The following NR2F2 variants were observed in gnomAD, a reference collection of about 807,000 sequenced individuals.
NR2F2 encodes the protein COUP transcription factor 2.
Under a neutral mutation model 34.8 loss-of-function variants are expected in NR2F2, and 2 were observed. The ratio of observed to expected loss-of-function variants is 0.06; its 90% confidence interval spans 0.02 to 0.18. NR2F2 has a LOEUF of 0.18. Among genes scored for constraint, NR2F2 ranks in the 10% least tolerant of loss-of-function variants. NR2F2 has a pLI of 1.00. For missense variants in NR2F2, 300 were observed against 580.1 expected (o/e 0.52, Z 4.96); for synonymous variants, 274 against 251.8 (o/e 1.09, Z -0.84).
Position 96,334,360 on chromosome 15 carries a change from G to A in NR2F2, c.727G>A (p.Ala243Thr). The A allele has an allele frequency of 6.2e-7, 1 of 1,614,174 alleles. No homozygotes were observed. The highest frequency in any genetic ancestry group is 8.5e-7 in the Non-Finnish European group (1 of 1,180,040). The change falls in exon 2 of 3, where the codon GCC becomes ACC. Residue 243 changes from alanine (A) to threonine (T), a missense_variant. Ala to Thr is a moderately conservative substitution (Grantham distance 58, BLOSUM62 0). Transcript: ENST00000394166. Reference protein sequence around the residue: ...FPDLQITDQVALLRLTWSELF... With the variant: ...FPDLQITDQVTLLRLTWSELF... ...CGACCTGCAGATCACGGACCAGGTG[G>A]CCCTGCTTCGCCTCACCTGGAGCGA...
In NR2F2 at chr15:96,331,244, G is replaced by A; in HGVS notation, c.-862G>A. The stretch of plus-strand genomic sequence containing the variant: ...CACCCAGCGACTGCGGGCGGCGGCG[G>A]CCGGAGAGAGCGAGGCGCGCGCCGG... On this transcript the variant is annotated 5_prime_UTR_variant, in exon 1 of 3. Coordinates refer to ENST00000394166, the MANE Select transcript of NR2F2 (RefSeq NM_021005.4). The A allele has an allele frequency of 1.0e-6, 1 of 986,656 alleles. No individual in the cohort carries two copies. The highest frequency in any genetic ancestry group is 4.5e-5 in the South Asian group (1 of 22,120). 61.1% of individuals were successfully genotyped at this position (986,656 alleles called of 1,614,324 possible). A position where few individuals can be genotyped will look rare whatever the true frequency, so the allele number is the denominator to read the frequency against.
At chr15:96,328,262 G>A (rs1899043833), upstream of NR2F2, among the ~76,000 whole-genome samples, 1 of 152,178 alleles carries the variant, frequency 6.6e-6, no homozygotes, top group Admixed American at 6.5e-5. Flanking sequence ...ATATGGTTGG[G>A]AAATTATTCC....
intron 2 of NR2F2, among the ~76,000 whole-genome samples, chr15:96,335,701 GAT>G (rs886994201): frequency 2.0e-5 from 3 of 152,252 alleles, no homozygotes; most frequent in African/African-American, 7.2e-5. Flanking sequence ...AACGAGGAGA[GAT>G]GTGTAGTTTA....
intron 1 of NR2F2, among the ~76,000 whole-genome samples, chr15:96,332,870 C>G (rs1899188624): frequency 6.6e-6 from 1 of 150,980 alleles, no homozygotes; most frequent in Admixed American, 6.6e-5. Context: ...ACTTCTCTCT[C>G]TCTGCCCTTG....
At chr15:96,335,897 G>A (rs71396853) in intron 2 of NR2F2, among the ~76,000 whole-genome samples, 5 of 152,156 alleles carry the variant, frequency 3.3e-5, no homozygotes, top group Non-Finnish European at 7.3e-5. Context: ...GAAGTCCTTA[G>A]GTAATCAATT....
Position 96,334,098 on chromosome 15 carries a change from G to T in NR2F2, c.465G>T (p.Pro155=), listed in dbSNP as rs772571580. 6 of 1,612,960 alleles carry T rather than the reference G, an allele frequency of 3.7e-6. No individual in the cohort carries two copies. Residue 155 remains proline (P), a synonymous_variant, in exon 2 of 3, where the codon CCG becomes CCT. Coordinates refer to ENST00000394166, the MANE Select transcript of NR2F2 (RefSeq NM_021005.4). Reference sequence around the variant, plus strand: ...CAGCGGTGCAGAGGGGCAGGATGCCGCCGACCCAGCCGACCCACGGGCAGT... The same window carrying T: ...CAGCGGTGCAGAGGGGCAGGATGCCTCCGACCCAGCCGACCCACGGGCAGT... The part of the protein sequence containing the change: ...RREAVQRGRM[P]PTQPTHGQFA...
chr15:96,337,306 T>C, intron 2 of NR2F2, 42 bp from the exon 3 acceptor site: 2 of 1,576,982 alleles, frequency 1.3e-6, no homozygotes, highest in Non-Finnish European at 8.6e-7. Context: ...CTTCTTCTTC[T>C]TTTTCTTCTT....
rs1899139330 is a variant in NR2F2 at position 96,331,457 on chromosome 15, C to T, written c.-649C>T. ...GCCCGCACCCGGCGCCTCCGATCTCCTAGTCCTCCTGATTTCGATGGCTTT... is the reference window on the plus strand; with the variant it reads ...GCCCGCACCCGGCGCCTCCGATCTCTTAGTCCTCCTGATTTCGATGGCTTT... On this transcript the variant is annotated 5_prime_UTR_variant, in exon 1 of 3. Coordinates refer to ENST00000394166, the MANE Select transcript of NR2F2 (RefSeq NM_021005.4). 2 of 1,231,510 alleles carry T rather than the reference C, an allele frequency of 1.6e-6. No individual in the cohort carries two copies. The highest frequency in any genetic ancestry group is 4.2e-5 in the Admixed American group (1 of 23,654). 76.3% of individuals were successfully genotyped at this position (1,231,510 alleles called of 1,614,324 possible).
In NR2F2 at chr15:96,331,853, GAAAC is replaced by G. The variant is rs1420952907; in HGVS notation, c.-245_-242del. 6.3e-5 allele frequency: 76 copies of G among 1,204,760 alleles called. No individual in the cohort carries two copies. In the East Asian group the frequency reaches 1.8e-3, roughly 29 times the overall value. 74.6% of individuals were successfully genotyped at this position (1,204,760 alleles called of 1,614,324 possible). On this transcript the variant is annotated 5_prime_UTR_variant, in exon 1 of 3. Coordinates refer to ENST00000394166, the MANE Select transcript of NR2F2 (RefSeq NM_021005.4). Reference sequence around the variant, plus strand: ...CGAAACCAACAAAGCTGAGCCGAGAGAAACAAACAAAACAAACACACCGGGCCAG... The same window carrying G: ...CGAAACCAACAAAGCTGAGCCGAGAGAAACAAAACAAACACACCGGGCCAG...
At chr15:96,332,677 A>C (rs905319292) in intron 1 of NR2F2, 130 bp downstream of exon 1, 2 of 1,450,874 alleles carry the variant, frequency 1.4e-6, no homozygotes, top group African/African-American at 2.9e-5. Flanking sequence ...AAAGGGTTTT[A>C]TACTAGAAGC....
chr15:96,332,692 T>C (rs1899182137), intron 1 of NR2F2, 145 bp downstream of exon 1: 6 of 1,438,742 alleles, frequency 4.2e-6, no homozygotes, highest in Non-Finnish European at 5.5e-6. Flanking sequence ...AGAAGCGAGT[T>C]CTGCATTGGA....
chr15:96,337,341 C>A lies in NR2F2; in HGVS notation c.971-7C>A, dbSNP rs1899361724. 6.2e-7 allele frequency: 1 copy of A among 1,603,742 alleles called. No homozygotes were observed. The highest frequency in any genetic ancestry group is 8.5e-7 in the Non-Finnish European group (1 of 1,174,386). On this transcript the variant is annotated splice_region_variant and splice_polypyrimidine_tract_variant and intron_variant, in intron 2 of 2. Coordinates refer to ENST00000394166, the MANE Select transcript of NR2F2 (RefSeq NM_021005.4). ...TCTTCTTCTTCTGTTTTTAAACTTTCTTCCAGATGCCTGTGGTCTCTCTGA... is the reference window on the plus strand; with the variant it reads ...TCTTCTTCTTCTGTTTTTAAACTTTATTCCAGATGCCTGTGGTCTCTCTGA...
chr15:96,334,892 G>T (rs917103581), intron 2 of NR2F2, among the ~76,000 whole-genome samples: 10 of 152,374 alleles, frequency 6.6e-5, no homozygotes, highest in African/African-American at 2.2e-4. Context: ...AGATTGGGAT[G>T]CCCTCTCCTG....
chr15:96,333,990 G>T, intron 1 of NR2F2, 86 bp from the exon 2 acceptor site: 1 of 1,544,650 alleles, frequency 6.5e-7, no homozygotes, highest in East Asian at 2.3e-5. Flanking sequence ...GGGTCAGGTG[G>T]GGGTCGGGCT....
In NR2F2 at chr15:96,339,747, G is replaced by C. The variant is rs1334339084; in HGVS notation, c.*2125G>C. 1 of 152,086 alleles carries C rather than the reference G, an allele frequency of 6.6e-6. No homozygotes were observed. The highest frequency in any genetic ancestry group is 6.5e-5 in the Admixed American group (1 of 15,272). 9.4% of individuals were successfully genotyped at this position (152,086 alleles called of 1,614,324 possible). A position where few individuals can be genotyped will look rare whatever the true frequency, so the allele number is the denominator to read the frequency against. On this transcript the variant is annotated 3_prime_UTR_variant, in exon 3 of 3. Coordinates refer to ENST00000394166, the MANE Select transcript of NR2F2 (RefSeq NM_021005.4). ...CATTTTTCCTCTTTCTCTTTTCCTG[G>C]TTTGGAGGAAGCTCGGTGCTGGGAG... is the stretch of plus-strand genomic sequence containing the variant.
rs1393392096 is a variant in NR2F2, at chr15:96,339,236, C to T, written c.*1614C>T. 1 of 152,136 alleles carries T rather than the reference C, an allele frequency of 6.6e-6. No individual in the cohort carries two copies. The highest frequency in any genetic ancestry group is 1.5e-5 in the Non-Finnish European group (1 of 68,032). The allele number at this position is 152,136 out of a possible 1,614,324, so 9.4% of individuals were successfully genotyped here. A position where few individuals can be genotyped will look rare whatever the true frequency, so the allele number is the denominator to read the frequency against. On this transcript the variant is annotated 3_prime_UTR_variant, in exon 3 of 3. Transcript: ENST00000394166. ...CTCTTTTGTACATTTCTGACAGTTA[C>T]TCAGAAGATCGTTCAAGCAAGCTAA...
In NR2F2 at chr15:96,331,320, C is replaced by T; in HGVS notation, c.-786C>T. ...GCGGCCCAGCGCCAGGACGACGCCG[C>T]GCAGCGCCCGACGCGGACCACTTTC... On this transcript the variant is annotated 5_prime_UTR_variant, in exon 1 of 3. Coordinates refer to ENST00000394166, the MANE Select transcript of NR2F2 (RefSeq NM_021005.4). 8.5e-7 allele frequency: 1 copy of T among 1,174,408 alleles called. No homozygotes were observed. Among genetic ancestry groups the T allele is most frequent in the Non-Finnish European group, 1.1e-6 (1 of 951,358 alleles). 72.7% of individuals were successfully genotyped at this position (1,174,408 alleles called of 1,614,324 possible).
chr15:96,330,985 T>G lies in NR2F2; in HGVS notation c.-1121T>G. The G allele has an allele frequency of 8.3e-7, 1 of 1,207,106 alleles. No individual in the cohort carries two copies. The highest frequency in any genetic ancestry group is 1.0e-6 in the Non-Finnish European group (1 of 971,722). The allele number at this position is 1,207,106 out of a possible 1,614,324, so 74.8% of individuals were successfully genotyped here. A position where few individuals can be genotyped will look rare whatever the true frequency, so the allele number is the denominator to read the frequency against. On this transcript the variant is annotated 5_prime_UTR_variant, in exon 1 of 3. Coordinates refer to ENST00000394166, the MANE Select transcript of NR2F2 (RefSeq NM_021005.4). The stretch of plus-strand genomic sequence containing the variant: ...CTAGGTGGTGATCTGCCCTCCTCTC[T>G]CTCTTTTATCATTTCTCCCCCGCCG...
At position 96,331,148 on chromosome 15, in the gene NR2F2, CCGGCGGCTT is replaced by C. The variant is rs1430587353; in HGVS notation, c.-950_-942del. ...TAGACGCAGCGGCTCCGGGCCCGAC[CCGGCGGCTT>C]CGGCGGCGGCTCCGGCGGCAGCGGC... is the stretch of plus-strand genomic sequence containing the variant. On this transcript the variant is annotated 5_prime_UTR_variant, in exon 1 of 3. Coordinates refer to ENST00000394166, the MANE Select transcript of NR2F2 (RefSeq NM_021005.4). 2 of 1,049,936 alleles carry C rather than the reference CCGGCGGCTT, an allele frequency of 1.9e-6. No individual in the cohort carries two copies. Among genetic ancestry groups the C allele is most frequent in the Non-Finnish European group, 2.3e-6 (2 of 866,886 alleles). 65.0% of individuals were successfully genotyped at this position (1,049,936 alleles called of 1,614,324 possible).
Sources: allele counts gnomAD v4.1 joint callset (sites outside exome capture counted in the v4.1 genomes callset), GRCh38; gene constraint gnomAD v4.1.1; transcripts MANE v1.5; gene names NCBI Gene and HGNC (gene_info 2026-07-23, HGNC 2026-07-21).